The following SLC44A1 variants were observed in gnomAD, a reference collection of about 807,000 sequenced individuals.
SLC44A1 encodes choline transporter-like protein 1.
A neutral mutation model predicts 79.3 loss-of-function variants in SLC44A1; 26 were observed. The ratio of observed to expected loss-of-function variants is 0.33; its 90% CI spans 0.24 to 0.46. The LOEUF (loss-of-function observed/expected upper bound fraction) is 0.46. Among genes scored for constraint, SLC44A1 ranks in the 20% least tolerant of loss-of-function variants. SLC44A1 has a pLI of 1.00. For synonymous variants in SLC44A1, 263 were observed against 286.2 expected (o/e 0.92, Z 0.82); for missense variants, 688 against 798.1 (o/e 0.86, Z 1.66).
intron 1 of SLC44A1, among the ~76,000 whole-genome samples, chr9:105,250,616 T>C (rs748477012): frequency 3.9e-5 from 6 of 152,224 alleles, no homozygotes; most frequent in Non-Finnish European, 7.3e-5. Context: ...TGTAGAGATA[T>C]GAAGTAGACT....
intron 15 of SLC44A1, among the ~76,000 whole-genome samples, chr9:105,402,405 G>A (rs148546005): frequency 5.9e-5 from 9 of 152,320 alleles, no homozygotes; most frequent in South Asian, 2.1e-4. Flanking sequence ...TCAGGATGAC[G>A]TGTGCCATCT....
At chr9:105,436,009 C>G (rs1829459588) in intron 15 of SLC44A1, among the ~76,000 whole-genome samples, 1 of 152,156 alleles carries the variant, frequency 6.6e-6, no homozygotes, top group Non-Finnish European at 1.5e-5. Flanking sequence ...ACCAGCCTGG[C>G]CAATATGGCA....
intron 1 of SLC44A1, among the ~76,000 whole-genome samples, chr9:105,260,087 A>G (rs1829805384): frequency 1.3e-5 from 2 of 152,096 alleles, no homozygotes; most frequent in Non-Finnish European, 1.5e-5. Flanking sequence ...CTTAATCAGG[A>G]TTTCTCCCAA....
In SLC44A1 at chr9:105,320,429, T is replaced by A. The variant is rs560430312; in HGVS notation, c.269+10563T>A. On this transcript the variant is annotated intron_variant, in intron 3 of 15. Transcript: ENST00000374720. ...TGCAGAGTCATGTGGTGAGGATGTT[T>A]AACTTTATAAGAAATTATCAAGCTG... Among the ~76,000 whole-genome samples the A allele has an allele frequency of 3.2e-4, 48 of 152,210 alleles. 1 individual carries two copies. The South Asian group carries it at 1.0e-2, about 32-fold the overall frequency.
intron 1 of SLC44A1, among the ~76,000 whole-genome samples, chr9:105,265,942 T>G (rs1829951471): frequency 6.7e-6 from 1 of 150,236 alleles, no homozygotes; most frequent in Non-Finnish European, 1.5e-5. Flanking sequence ...GAATTATTGC[T>G]CTCTCTCTCT....
chr9:105,357,695 C>G (rs1313058845), intron 6 of SLC44A1, among the ~76,000 whole-genome samples: 1 of 152,178 alleles, frequency 6.6e-6, no homozygotes. Context: ...ACTCAAACAG[C>G]TTTGCTCCTT....
intron 1 of SLC44A1, among the ~76,000 whole-genome samples, chr9:105,277,732 T>C (rs1830241948): frequency 6.6e-6 from 1 of 152,174 alleles, no homozygotes; most frequent in South Asian, 2.1e-4. Context: ...AGTAGCCTAA[T>C]AGGGCTTGGT....
At chr9:105,365,141 T>C (rs900560704) in intron 10 of SLC44A1, among the ~76,000 whole-genome samples, 11 of 152,242 alleles carry the variant, frequency 7.2e-5, no homozygotes, top group African/African-American at 1.9e-4. Context: ...TTTTCTATTA[T>C]AATTAGATGC....
chr9:105,423,363 G>T (rs538255548), intron 15 of SLC44A1, among the ~76,000 whole-genome samples: 3 of 152,172 alleles, frequency 2.0e-5, no homozygotes, highest in Non-Finnish European at 4.4e-5. Flanking sequence ...GGTCCAGGAG[G>T]CTGAGGCAGG....
At position 105,244,853 on chromosome 9, in the gene SLC44A1, C is replaced by A. The variant is rs1829386890; in HGVS notation, c.-16C>A. Reference sequence around the variant, plus strand: ...CTGCGCGCCCGGCGCCGCCTCCGGGCTCCTTCGGCCCCGCCATGGGCTGCT... The same window carrying A: ...CTGCGCGCCCGGCGCCGCCTCCGGGATCCTTCGGCCCCGCCATGGGCTGCT... On this transcript the variant is annotated 5_prime_UTR_variant, in exon 1 of 16. Transcript: ENST00000374720. 2.6e-6 allele frequency: 3 copies of A among 1,134,138 alleles called. No homozygotes were observed. In the East Asian group the frequency reaches 1.4e-4, roughly 53 times the overall value. The allele number at this position is 1,134,138 out of a possible 1,614,324, so 70.3% of individuals were successfully genotyped here. A position where few individuals can be genotyped will look rare whatever the true frequency, so the allele number is the denominator to read the frequency against.
chr9:105,287,306 G>C (rs1295078688), intron 1 of SLC44A1, among the ~76,000 whole-genome samples: 1 of 152,240 alleles, frequency 6.6e-6, no homozygotes, highest in East Asian at 1.9e-4. Context: ...GAAAATTTAA[G>C]CTATAAAAAA....
Position 105,397,188 on chromosome 9 carries a change from T to C in SLC44A1, c.*8132T>C, listed in dbSNP as rs1828893106. The C allele has an allele frequency of 1.0e-6, 1 of 985,332 alleles. No homozygotes were observed. Among genetic ancestry groups the C allele is most frequent in the African/African-American group, 1.7e-5 (1 of 57,236 alleles). The allele number at this position is 985,332 out of a possible 1,614,324, so 61.0% of individuals were successfully genotyped here. ...TATGAAACGGAGCTTTGAAATGTTT[T>C]TCTTGTGCAGAAATACGAACTAGAA... On this transcript the variant is annotated 3_prime_UTR_variant, in exon 16 of 16. Coordinates refer to ENST00000374720, the MANE Select transcript of SLC44A1 (RefSeq NM_080546.5).
intron 4 of SLC44A1, among the ~76,000 whole-genome samples, chr9:105,341,575 G>A (rs1382583636): frequency 6.6e-6 from 1 of 152,128 alleles, no homozygotes; most frequent in East Asian, 1.9e-4. Context: ...AGTTGTGTAT[G>A]AATTTCCTAG....
intron 1 of SLC44A1, among the ~76,000 whole-genome samples, chr9:105,293,832 A>T (rs921878985): frequency 1.3e-5 from 2 of 152,210 alleles, no homozygotes; most frequent in African/African-American, 4.8e-5. Flanking sequence ...CCCTTACTAT[A>T]GCATATCAAA....
chr9:105,396,681 G>A lies in SLC44A1; in HGVS notation c.*7625G>A. The A allele has an allele frequency of 3.0e-6, 3 of 984,036 alleles. No homozygotes were observed. Among genetic ancestry groups the A allele is most frequent in the Non-Finnish European group, 3.6e-6 (3 of 829,496 alleles). The allele number at this position is 984,036 out of a possible 1,614,324, so 61.0% of individuals were successfully genotyped here. Reference sequence around the variant, plus strand: ...CTGTGTAATGTGGCATGAGAAGTATGTTTTGGTGCCACATATTTCTCAATC... The same window carrying A: ...CTGTGTAATGTGGCATGAGAAGTATATTTTGGTGCCACATATTTCTCAATC... On this transcript the variant is annotated 3_prime_UTR_variant, in exon 16 of 16. Transcript: ENST00000374720.
intron 1 of SLC44A1, among the ~76,000 whole-genome samples, chr9:105,255,359 T>C (rs564329045): frequency 3.1e-4 from 47 of 152,284 alleles, no homozygotes; most frequent in African/African-American, 1.1e-3. Flanking sequence ...AAATATACTT[T>C]ATTGATTTGC....
chr9:105,315,612 A>G (rs1485768317), intron 3 of SLC44A1, among the ~76,000 whole-genome samples: 1 of 152,210 alleles, frequency 6.6e-6, no homozygotes, highest in South Asian at 2.1e-4. Flanking sequence ...TTCTGGGCCT[A>G]TACTATACCA....
chr9:105,375,807 A>G (rs1828261534), intron 13 of SLC44A1, among the ~76,000 whole-genome samples: 1 of 152,212 alleles, frequency 6.6e-6, no homozygotes. Context: ...ATTAAACCAT[A>G]AAATGCTCAG....
chr9:105,353,415 C>A (rs1827513909), intron 5 of SLC44A1, among the ~76,000 whole-genome samples: 1 of 149,636 alleles, frequency 6.7e-6, no homozygotes, highest in East Asian at 1.9e-4. Flanking sequence ...CATCTATTAT[C>A]ATCCTAAATT....
Sources: gnomAD v4.1 joint callset for allele counts (sites outside exome capture counted in the v4.1 genomes callset) on GRCh38, gnomAD v4.1.1 for gene constraint, MANE v1.5 for transcripts, NCBI Gene and HGNC (gene_info 2026-07-23, HGNC 2026-07-21) for gene names.